COL14A1: variants seen among roughly 807,000 people sequenced by gnomAD.
The protein encoded by COL14A1 is collagen type XIV alpha 1 chain, also known as collagen alpha-1(XIV) chain.
COL14A1 carries 136 observed loss-of-function variants against 230.3 expected under a neutral mutation model. The ratio of observed to expected loss-of-function variants is 0.59; its 90% confidence interval spans 0.51 to 0.68. COL14A1 has a LOEUF of 0.68. Ranked by LOEUF, COL14A1 falls within the 30% of genes least tolerant of loss-of-function variation. The pLI is 0.00. For synonymous variants in COL14A1, 792 were observed against 784.1 expected (o/e 1.01, Z -0.17); for missense variants, 1,976 against 2,215.8 (o/e 0.89, Z 2.17).
intron 1 of COL14A1, among the ~76,000 whole-genome samples, chr8:120,135,596 T>G (rs1286802719): frequency 6.6e-6 from 1 of 152,202 alleles, no homozygotes; most frequent in Non-Finnish European, 1.5e-5. Context: ...AAGCATACTT[T>G]ATAACCAGCA....
At chr8:120,301,813 T>G (rs1436819773) in intron 36 of COL14A1, among the ~76,000 whole-genome samples, 1 of 152,176 alleles carries the variant, frequency 6.6e-6, no homozygotes, top group East Asian at 1.9e-4. Context: ...TAATTTACAC[T>G]CCCACCAACA....
At chr8:120,321,240 G>A (rs1821427751) in intron 40 of COL14A1, among the ~76,000 whole-genome samples, 1 of 152,154 alleles carries the variant, frequency 6.6e-6, no homozygotes, top group South Asian at 2.1e-4. Flanking sequence ...ATAAAAATAT[G>A]GTTTCTTGAT....
At position 120,373,056 on chromosome 8, in the gene COL14A1, A is replaced by G. The variant is rs1429914023; in HGVS notation, c.*1825A>G. ...ACTTAAATGACTAGGGTGTGTAATC[A>G]GTTGCTTCTTATTCTGTGTCTCAGA... On this transcript the variant is annotated 3_prime_UTR_variant, in exon 48 of 48. Transcript: ENST00000297848. 6.6e-6 allele frequency among the ~76,000 whole-genome samples: 1 copy of G among 152,184 alleles called. No homozygotes were observed. Among genetic ancestry groups the G allele is most frequent in the African/African-American group, 2.4e-5 (1 of 41,444 alleles).
chr8:120,169,413 C>T (rs1816028365), intron 5 of COL14A1, among the ~76,000 whole-genome samples: 1 of 152,032 alleles, frequency 6.6e-6, no homozygotes, highest in Admixed American at 6.6e-5. Context: ...TGAAAAAATT[C>T]TCCAATTATA....
intron 45 of COL14A1, among the ~76,000 whole-genome samples, chr8:120,346,013 C>T (rs1215537227): frequency 6.6e-6 from 1 of 152,224 alleles, no homozygotes. Context: ...GGGCAATAGT[C>T]AGTGGCAGTC....
chr8:120,281,078 A>T lies in COL14A1; in HGVS notation c.3824+19A>T. The T allele has an allele frequency of 6.3e-7, 1 of 1,595,148 alleles. No individual in the cohort carries two copies. The highest frequency in any genetic ancestry group is 1.1e-5 in the South Asian group (1 of 88,004). On this transcript the variant is annotated intron_variant, in intron 31 of 47. Coordinates refer to ENST00000297848, the MANE Select transcript of COL14A1 (RefSeq NM_021110.4). ...CAACCAGGTATGTTTCTGTTGAAAG[A>T]TTTTAAAGTCATCGTATGTTTATTA...
At chr8:120,169,339 C>T (rs1234998387) in intron 5 of COL14A1, among the ~76,000 whole-genome samples, 1 of 152,118 alleles carries the variant, frequency 6.6e-6, no homozygotes, top group African/African-American at 2.4e-5. Flanking sequence ...ATTTGTACTT[C>T]TGTTAACGAT....
intron 1 of COL14A1, among the ~76,000 whole-genome samples, chr8:120,130,699 C>G (rs2130377756): frequency 1.3e-5 from 2 of 152,090 alleles, no homozygotes; most frequent in Middle Eastern, 3.4e-3. Flanking sequence ...AATTAGAAAG[C>G]CTGGATGAAA....
At chr8:120,218,300 AAT>A (rs1817828780) in intron 14 of COL14A1, among the ~76,000 whole-genome samples, 1 of 143,638 alleles carries the variant, frequency 7.0e-6, no homozygotes, top group Non-Finnish European at 1.5e-5. Context: ...TAATATATAT[AAT>A]ATATATCATA....
intron 34 of COL14A1, among the ~76,000 whole-genome samples, chr8:120,296,975 A>G (rs1160496692): frequency 1.3e-5 from 2 of 152,070 alleles, no homozygotes; most frequent in Non-Finnish European, 2.9e-5. Context: ...AAAAGTCTAC[A>G]TAGTATCTGG....
chr8:120,290,731 A>G (rs1586836027), intron 34 of COL14A1, among the ~76,000 whole-genome samples: 1 of 152,186 alleles, frequency 6.6e-6, no homozygotes, highest in South Asian at 2.1e-4. Flanking sequence ...TTCCACTACC[A>G]TTCACTTAGT....
intron 33 of COL14A1, among the ~76,000 whole-genome samples, chr8:120,287,721 GA>G (rs1820247601): frequency 2.0e-5 from 3 of 151,820 alleles, no homozygotes; most frequent in African/African-American, 4.8e-5. Flanking sequence ...GCCAAACAAG[GA>G]AAAAAATTCA....
At chr8:120,129,668 A>G (rs1227870388) in intron 1 of COL14A1, among the ~76,000 whole-genome samples, 1 of 152,216 alleles carries the variant, frequency 6.6e-6, no homozygotes, top group East Asian at 1.9e-4. Flanking sequence ...AACCTATGGC[A>G]TGGGAGAAGA....
intron 42 of COL14A1, among the ~76,000 whole-genome samples, chr8:120,335,990 T>C (rs1316983219): frequency 1.3e-5 from 2 of 152,192 alleles, no homozygotes; most frequent in African/African-American, 4.8e-5. Context: ...GAAAGCCACA[T>C]CAGTTGCACA....
At chr8:120,296,065 A>G in intron 34 of COL14A1, among the ~76,000 whole-genome samples, 1 of 151,922 alleles carries the variant, frequency 6.6e-6, no homozygotes, top group East Asian at 1.9e-4. Flanking sequence ...TTTTGCACCA[A>G]CCTAATAAAA....
chr8:120,141,702 A>G (rs1395122034), intron 1 of COL14A1, among the ~76,000 whole-genome samples: 5 of 152,328 alleles, frequency 3.3e-5, no homozygotes, highest in Non-Finnish European at 4.4e-5. Context: ...ATGCAGATTA[A>G]CCTGCAATAT....
chr8:120,263,164 G>C, intron 24 of COL14A1, 150 bp downstream of exon 24: 1 of 790,250 alleles, frequency 1.3e-6, no homozygotes, highest in East Asian at 3.0e-5. Flanking sequence ...CTCAACCCCA[G>C]AATTCATTGC....
intron 15 of COL14A1, among the ~76,000 whole-genome samples, chr8:120,226,408 C>T: frequency 6.6e-6 from 1 of 152,184 alleles, no homozygotes; most frequent in East Asian, 1.9e-4. Context: ...GTTTTAAGAT[C>T]TGTTATTTCC....
Position 120,278,681 on chromosome 8 carries a change from A to C in COL14A1, c.3481+103A>C, listed in dbSNP as rs1006991295. 15 of 1,125,220 alleles carry C rather than the reference A, an allele frequency of 1.3e-5. No individual in the cohort carries two copies. In the African/African-American group the frequency reaches 2.1e-4, roughly 15 times the overall value. The allele number at this position is 1,125,220 out of a possible 1,614,324, so 69.7% of individuals were successfully genotyped here. Reference sequence around the variant, plus strand: ...ATCAGCATTACTTAAATGTTTTAAAATATTTCTTCATATTAACTAGACAGT... The same window carrying C: ...ATCAGCATTACTTAAATGTTTTAAACTATTTCTTCATATTAACTAGACAGT... On this transcript the variant is annotated intron_variant, in intron 28 of 47. Coordinates refer to ENST00000297848, the MANE Select transcript of COL14A1 (RefSeq NM_021110.4).
Sources: allele counts gnomAD v4.1 joint callset (sites outside exome capture counted in the v4.1 genomes callset), GRCh38; gene constraint gnomAD v4.1.1; transcripts MANE v1.5; gene names NCBI Gene and HGNC (gene_info 2026-07-23, HGNC 2026-07-21).